TNK2: variants seen among roughly 807,000 people sequenced by gnomAD.
TNK2 encodes activated CDC42 kinase 1.
A neutral mutation model predicts 101.8 loss-of-function variants in TNK2; 83 were observed. That is an observed-to-expected ratio of 0.82 (90% CI 0.68 to 0.98). The LOEUF is 0.98. Among genes scored for constraint, TNK2 ranks in the 50% least tolerant of loss-of-function variants. The probability of loss-of-function intolerance (pLI) is 0.00; values close to 1 mark genes in which losing one functional copy is unlikely to be tolerated. For missense variants in TNK2, 1,665 were observed against 1,483.2 expected (o/e 1.12, Z -2.01); for synonymous variants, 804 against 633.0 (o/e 1.27, Z -4.06).
intron 1 of TNK2, chr3:195,895,472 TCGGCCGG>T (rs1233141233): frequency 7.3e-7 from 1 of 1,376,916 alleles, no homozygotes; most frequent in Non-Finnish European, 9.4e-7. Flanking sequence ...TCATCCGCCA[TCGGCCGG>T]CGGCCGGGTG....
chr3:195,877,711 G>A (rs1750202147), intron 9 of TNK2, among the ~76,000 whole-genome samples: 1 of 152,182 alleles, frequency 6.6e-6, no homozygotes, highest in Non-Finnish European at 1.5e-5. Context: ...CTCCCGAGAG[G>A]CTGTGGGAGG....
At position 195,867,791 on chromosome 3, in the gene TNK2, A is replaced by G. The variant is rs769602863; in HGVS notation, c.2507T>C (p.Phe836Ser). 1 of 1,574,200 alleles carries G rather than the reference A, an allele frequency of 6.4e-7. No homozygotes were observed. Among genetic ancestry groups the G allele is most frequent in the South Asian group, 1.2e-5 (1 of 85,542 alleles). Reference protein sequence around the residue: ...PGKTMPTTQSFASDPKYATPQ... With the variant: ...PGKTMPTTQSSASDPKYATPQ... The stretch of plus-strand genomic sequence containing the variant: ...GGTGGCGTACTTGGGGTCTGAGGCA[A>G]AGCTCTGGGTGGTGGGCATGGTCTT... Residue 836 changes from phenylalanine (F) to serine (S), a missense_variant, in exon 13 of 16, where the codon TTT (phenylalanine) becomes TCT (serine). By Grantham distance (155) the Phe-to-Ser change is radical (BLOSUM62 -2). Around this residue, in one of 3 missense-constraint regions of TNK2, gnomAD observed 1,136 missense variants for 894.9 expected, o/e 1.27. Coordinates refer to ENST00000672887, the MANE Select transcript of TNK2 (RefSeq NM_001382273.1).
Position 195,878,439 on chromosome 3 carries a change from C to A in TNK2, c.1161+7G>T, listed in dbSNP as rs1750640329. 7 of 1,613,948 alleles carry A rather than the reference C, an allele frequency of 4.3e-6. No homozygotes were observed. Among genetic ancestry groups the A allele is most frequent in the Non-Finnish European group, 5.9e-6 (7 of 1,179,968 alleles). ...CCCCAGCTCTCCTGGGCTGACCTGT[C>A]CCTCACCTCCAGCAGGAAGTCCCGC... On this transcript the variant is annotated splice_region_variant and intron_variant, in intron 8 of 15. Transcript: ENST00000672887. This position sits in a 1 kb window ranked among gnomAD's most constrained non-coding sequence, Gnocchi z 4.7.
chr3:195,878,494 C>G lies in TNK2; in HGVS notation c.1113G>C (p.Lys371Asn). The stretch of plus-strand genomic sequence containing the variant: ...CCACAAACGTGGGTCTGTCCTCTGG[C>G]TTGTGAGCCCAGCACTGGACCATGA... ...YNVMVQCWAH[K>N]PEDRPTFVAL... The change falls in exon 8 of 16, where the codon AAG becomes AAC. Residue 371 changes from lysine to asparagine, a missense_variant. This residue lies in a region of TNK2 where 490 missense variants were observed against 522.5 expected (regional missense o/e 0.94). Transcript: ENST00000672887. This position sits in a 1 kb window ranked among gnomAD's most constrained non-coding sequence, Gnocchi z 4.7. The G allele has an allele frequency of 1.2e-6, 2 of 1,613,978 alleles. No individual in the cohort carries two copies. The highest frequency in any genetic ancestry group is 1.7e-6 in the Non-Finnish European group (2 of 1,180,038).
rs1309978938 is a variant in TNK2 at position 195,886,057 on chromosome 3, G to A, written c.234+920C>T. ...AGCCCCGGGAGGTGAGCTGGGCAGT[G>A]GGGACCGGTATCATTTCACTGAAGA... is the stretch of plus-strand genomic sequence containing the variant. On this transcript the variant is annotated intron_variant, in intron 3 of 15. Coordinates refer to ENST00000672887, the MANE Select transcript of TNK2 (RefSeq NM_001382273.1). The surrounding 1 kb of genome is among the most constrained non-coding windows in gnomAD (Gnocchi z 4.2). The A allele has an allele frequency of 6.3e-6, 1 of 157,572 alleles. No homozygotes were observed. Among genetic ancestry groups the A allele is most frequent in the Non-Finnish European group, 1.4e-5 (1 of 71,620 alleles). 9.8% of individuals were successfully genotyped at this position (157,572 alleles called of 1,614,324 possible).
At position 195,885,145 on chromosome 3, in the gene TNK2, C is replaced by A; in HGVS notation, c.235-112G>T. On this transcript the variant is annotated intron_variant, in intron 3 of 15. Transcript: ENST00000672887. This position sits in a 1 kb window ranked among gnomAD's most constrained non-coding sequence, Gnocchi z 4.7. Reference sequence around the variant, plus strand: ...CCCCGGCTTCGGCTTCCAGATAGGTCCTGGTTTTGCCAAACTGTCAGTGGG... The same window carrying A: ...CCCCGGCTTCGGCTTCCAGATAGGTACTGGTTTTGCCAAACTGTCAGTGGG... The A allele has an allele frequency of 8.2e-7, 1 of 1,217,242 alleles. No homozygotes were observed. The highest frequency in any genetic ancestry group is 1.6e-5 in the South Asian group (1 of 63,186). The allele number at this position is 1,217,242 out of a possible 1,614,324, so 75.4% of individuals were successfully genotyped here. A position where few individuals can be genotyped will look rare whatever the true frequency, so the allele number is the denominator to read the frequency against.
intron 4 of TNK2, 172 bp from the exon 5 acceptor site, chr3:195,883,481 T>G (rs1754173870): frequency 1.4e-6 from 1 of 721,386 alleles, no homozygotes; most frequent in Non-Finnish European, 2.2e-6. Flanking sequence ...GAGGCCTGGC[T>G]GGAGAAGGGC....
At chr3:195,874,212 T>C (rs1196191225) in intron 9 of TNK2, among the ~76,000 whole-genome samples, 2 of 152,212 alleles carry the variant, frequency 1.3e-5, no homozygotes, top group Non-Finnish European at 2.9e-5. Context: ...AGAATGCCGC[T>C]GAGGCCGAGA....
At position 195,870,184 on chromosome 3, in the gene TNK2, C is replaced by T; in HGVS notation, c.1473G>A (p.Met491Ile). ...CCACGCTCAGGAGGTCGGGGGGGTC[C>T]ATGGGGTTTCCCAGATACAGTCTGT... Reference protein sequence around the residue: ...RIDELYLGNPMDPPDLLSVEL... With the variant: ...RIDELYLGNPIDPPDLLSVEL... Residue 491 changes from methionine to isoleucine, a missense_variant, in exon 11 of 16, where the codon ATG becomes ATA. Physicochemically the swap from Met to Ile is conservative, Grantham distance 10. Around this residue, in one of 3 missense-constraint regions of TNK2, gnomAD observed 1,136 missense variants for 894.9 expected, o/e 1.27. Coordinates refer to ENST00000672887, the MANE Select transcript of TNK2 (RefSeq NM_001382273.1). 2 of 1,559,110 alleles carry T rather than the reference C, an allele frequency of 1.3e-6. No homozygotes were observed. The highest frequency in any genetic ancestry group is 1.7e-6 in the Non-Finnish European group (2 of 1,149,266).
intron 9 of TNK2, among the ~76,000 whole-genome samples, chr3:195,873,428 C>T (rs1185503401): frequency 3.0e-5 from 4 of 135,120 alleles, no homozygotes; most frequent in Non-Finnish European, 4.9e-5. Context: ...CAGGCGGGGG[C>T]GGTGAGAGCC....
At position 195,866,912 on chromosome 3, in the gene TNK2, G is replaced by GC. The variant is rs748499050; in HGVS notation, c.3137dup (p.Ser1047LeufsTer21). On this transcript the variant is annotated frameshift_variant, in exon 15 of 16. Transcript: ENST00000672887. LOFTEE classifies it high-confidence loss of function. ...ACTTGTGGTGGGCAGGGCCCCAGGA[G>GC]CCCAGAAGGTGGCAGCCGGCCTGCT... 2.5e-6 allele frequency: 4 copies of GC among 1,611,636 alleles called. No homozygotes were observed. Among genetic ancestry groups the GC allele is most frequent in the Non-Finnish European group, 3.4e-6 (4 of 1,179,348 alleles).
At chr3:195,869,367 C>A (rs1009672963) in intron 12 of TNK2, 130 bp downstream of exon 12, 12 of 1,000,158 alleles carry the variant, frequency 1.2e-5, no homozygotes, top group Non-Finnish European at 1.5e-5. Context: ...AGGGCAGCCG[C>A]GGAAGCTCAC....
intron 1 of TNK2, chr3:195,894,514 C>G (rs1207065671): frequency 6.6e-6 from 1 of 151,964 alleles, no homozygotes; most frequent in Non-Finnish European, 1.5e-5. Context: ...GCCTCAGCCT[C>G]CCGAGTAGCT....
At chr3:195,892,029 G>A (rs1285783749) in intron 1 of TNK2, 2 of 1,034,136 alleles carry the variant, frequency 1.9e-6, no homozygotes, top group Non-Finnish European at 2.3e-6. Flanking sequence ...AGCGGTCAGG[G>A]TCTCAGTCCA....
chr3:195,872,565 G>A lies in TNK2; in HGVS notation c.1257-95C>T, dbSNP rs941392920. ...CACCCTGGCCACTGTGGCAGAAGGG[G>A]GATGGAGCTCAGGCCTCAGGACCAG... is the stretch of plus-strand genomic sequence containing the variant. On this transcript the variant is annotated intron_variant, in intron 9 of 15. Coordinates refer to ENST00000672887, the MANE Select transcript of TNK2 (RefSeq NM_001382273.1). 5 of 1,328,354 alleles carry A rather than the reference G, an allele frequency of 3.8e-6. No individual in the cohort carries two copies. The African/African-American group carries it at 5.9e-5, about 16-fold the overall frequency. 82.3% of individuals were successfully genotyped at this position (1,328,354 alleles called of 1,614,324 possible).
Position 195,878,207 on chromosome 3 carries a change from G to T in TNK2, c.1256+46C>A. ...CTGTCCACAGGTCCCTCCGACCTGTGCCCTTCAAGCGATCCCAGGGCGGGG... is the reference window on the plus strand; with the variant it reads ...CTGTCCACAGGTCCCTCCGACCTGTTCCCTTCAAGCGATCCCAGGGCGGGG... On this transcript the variant is annotated intron_variant, in intron 9 of 15. Transcript: ENST00000672887. This position sits in a 1 kb window ranked among gnomAD's most constrained non-coding sequence, Gnocchi z 4.7. The T allele has an allele frequency of 5.0e-6, 8 of 1,593,870 alleles. No homozygotes were observed. The highest frequency in any genetic ancestry group is 6.9e-6 in the Non-Finnish European group (8 of 1,161,934).
At chr3:195,883,430 G>T in intron 4 of TNK2, 121 bp from the exon 5 acceptor site, 1 of 1,215,970 alleles carries the variant, frequency 8.2e-7, no homozygotes, top group Non-Finnish European at 1.2e-6. Flanking sequence ...CATCTGGGTG[G>T]GTAAGCATGT....
chr3:195,871,553 A>AC (rs956856592), intron 10 of TNK2, among the ~76,000 whole-genome samples: 5 of 152,232 alleles, frequency 3.3e-5, no homozygotes, highest in African/African-American at 1.2e-4. Flanking sequence ...ACAGGGGGCC[A>AC]CAGGGGGGTC....
chr3:195,870,259 C>A, intron 10 of TNK2, 54 bp from the exon 11 acceptor site: 2 of 1,595,820 alleles, frequency 1.3e-6, no homozygotes, highest in Admixed American at 1.7e-5. Flanking sequence ...GGAGGGGTGG[C>A]AGAATCTCAT....
Sources: allele counts gnomAD v4.1 joint callset (sites outside exome capture counted in the v4.1 genomes callset), GRCh38; gene constraint gnomAD v4.1.1; regional missense constraint gnomAD v4.1.1; non-coding constraint Gnocchi (gnomAD v3.1); transcripts MANE v1.5; gene names NCBI Gene and HGNC (gene_info 2026-07-23, HGNC 2026-07-21).